FBXL2: variants seen among roughly 807,000 people sequenced by gnomAD.
The protein encoded by FBXL2 is F-box and leucine rich repeat protein 2.
FBXL2 carries 38 observed loss-of-function variants against 69.2 expected under a neutral mutation model. The ratio of observed to expected loss-of-function variants is 0.55; its 90% confidence interval spans 0.42 to 0.72. FBXL2 has a LOEUF of 0.72. FBXL2 is among the 30% of genes least tolerant of loss of function. The pLI, the probability that FBXL2 is intolerant of heterozygous loss-of-function variation, is 0.00. For missense variants in FBXL2, 354 were observed against 520.3 expected, an observed-to-expected ratio of 0.68 and a Z score of 3.11; for synonymous variants, 192 against 201.3, an observed-to-expected ratio of 0.95 and a Z score of 0.39.
chr3:33,351,933 C>T (rs947795371), intron 2 of FBXL2, among the ~76,000 whole-genome samples: 2 of 149,522 alleles, frequency 1.3e-5, no homozygotes, highest in African/African-American at 2.5e-5. Flanking sequence ...TGAGACTGTC[C>T]TGGGCAACAT....
At chr3:33,293,523 A>AG (rs1329378410) in intron 1 of FBXL2, among the ~76,000 whole-genome samples, 5 of 152,244 alleles carry the variant, frequency 3.3e-5, no homozygotes, top group African/African-American at 4.8e-5. Context: ...CCACTGAAGA[A>AG]GGGATTCCTT....
chr3:33,325,641 G>A (rs1175993064), intron 2 of FBXL2, among the ~76,000 whole-genome samples: 1 of 152,150 alleles, frequency 6.6e-6, no homozygotes, highest in Non-Finnish European at 1.5e-5. Flanking sequence ...TATAGATAAA[G>A]TGGATTAATC....
chr3:33,297,962 GGTAA>G (rs2035893191), intron 2 of FBXL2: 1 of 541,552 alleles, frequency 1.8e-6, no homozygotes, highest in Admixed American at 2.8e-5. Context: ...TTTGTAATGT[GGTAA>G]GTATTGTAAT....
chr3:33,391,429 C>T (rs1209532310), downstream of FBXL2: 2 of 152,154 alleles, frequency 1.3e-5, no homozygotes, highest in Non-Finnish European at 2.9e-5. Flanking sequence ...CCTAAATGAC[C>T]TTAACAACTT....
chr3:33,400,923 C>T (rs1163015325), intron 12 of FBXL2: 3 of 1,579,736 alleles, frequency 1.9e-6, no homozygotes, highest in Non-Finnish European at 1.7e-6. Context: ...AATGTAGAAC[C>T]CTGAAAGCAT....
intron 12 of FBXL2, among the ~76,000 whole-genome samples, chr3:33,395,286 A>G (rs2043930041): frequency 6.6e-6 from 1 of 152,028 alleles, no homozygotes. Flanking sequence ...AGCTCTACCT[A>G]TTCTTAGGGC....
chr3:33,315,780 T>C (rs1337983717), intron 2 of FBXL2, among the ~76,000 whole-genome samples: 1 of 152,190 alleles, frequency 6.6e-6, no homozygotes, highest in East Asian at 1.9e-4. Flanking sequence ...TAATCTGTTT[T>C]GTGGACATAT....
At chr3:33,352,274 T>C (rs947847852) in intron 2 of FBXL2, among the ~76,000 whole-genome samples, 6 of 152,172 alleles carry the variant, frequency 3.9e-5, no homozygotes, top group African/African-American at 1.4e-4. Flanking sequence ...GACATCTGTA[T>C]TTAAAAAGAT....
intron 2 of FBXL2, among the ~76,000 whole-genome samples, chr3:33,306,283 T>C (rs552476673): frequency 6.6e-6 from 1 of 152,122 alleles, no homozygotes; most frequent in South Asian, 2.1e-4. Context: ...AAATACAATA[T>C]ATAGTCAGAG....
chr3:33,373,188 A>G (rs2042405873), intron 6 of FBXL2, 28 bp downstream of exon 6: 1 of 1,612,584 alleles, frequency 6.2e-7, no homozygotes. Flanking sequence ...ATTGGTGACC[A>G]AATAGCCACG....
chr3:33,317,537 A>G (rs762516318), intron 2 of FBXL2: 2 of 456,514 alleles, frequency 4.4e-6, no homozygotes, highest in Non-Finnish European at 8.8e-6. Context: ...AATGGAAGAC[A>G]CACATCATTG....
rs145547437 is a variant in FBXL2 at position 33,298,517 on chromosome 3, C to T, written c.65+792C>T. Among the ~76,000 whole-genome samples the T allele has an allele frequency of 3.8e-4, 57 of 151,832 alleles. No individual in the cohort carries two copies. In the East Asian group the frequency reaches 0.01, roughly 27 times the overall value. ...TGAAACCCTGTCTCTACTAAAAATACGAAACAATTAGCCAGGCGTGGTGGT... is the reference window on the plus strand; with the variant it reads ...TGAAACCCTGTCTCTACTAAAAATATGAAACAATTAGCCAGGCGTGGTGGT... On this transcript the variant is annotated intron_variant, in intron 2 of 14. Coordinates refer to ENST00000484457, the MANE Select transcript of FBXL2 (RefSeq NM_012157.5).
At chr3:33,411,072 CAAAAAAAA>C in the FBXL2 span, among the ~76,000 whole-genome samples, 1 of 65,556 alleles carries the variant, frequency 1.5e-5, no homozygotes, top group Admixed American at 1.6e-4. Flanking sequence ...AACTCCATCT[CAAAAAAAA>C]AAAAAAAAAA....
the FBXL2 span, among the ~76,000 whole-genome samples, chr3:33,411,390 G>C: frequency 6.6e-6 from 1 of 152,006 alleles, no homozygotes; most frequent in Non-Finnish European, 1.5e-5. Flanking sequence ...ACATATCATA[G>C]AATGTCTTCA....
At chr3:33,393,501 G>A (rs370497722) in intron 12 of FBXL2, 2 of 1,565,024 alleles carry the variant, frequency 1.3e-6, no homozygotes, top group Non-Finnish European at 1.7e-6. Flanking sequence ...AGTAATCTTT[G>A]ATCTGTTTTC....
intron 2 of FBXL2, among the ~76,000 whole-genome samples, chr3:33,326,642 G>T (rs1463571001): frequency 6.6e-6 from 1 of 151,900 alleles, no homozygotes; most frequent in Non-Finnish European, 1.5e-5. Flanking sequence ...TATCTTTGAT[G>T]TTCTGGTAAA....
chr3:33,299,076 T>A (rs2036022120), intron 2 of FBXL2, among the ~76,000 whole-genome samples: 1 of 134,212 alleles, frequency 7.5e-6, no homozygotes, highest in South Asian at 2.4e-4. Flanking sequence ...AGATTTACTC[T>A]TGTTGCCCAG....
chr3:33,305,220 A>G (rs1368579136), intron 2 of FBXL2, among the ~76,000 whole-genome samples: 4 of 151,896 alleles, frequency 2.6e-5, no homozygotes, highest in African/African-American at 9.7e-5. Context: ...AGATAGTCAC[A>G]TGTATTTTCT....
intron 1 of FBXL2, among the ~76,000 whole-genome samples, chr3:33,285,661 A>G (rs1461970579): frequency 3.9e-5 from 6 of 152,188 alleles, no homozygotes; most frequent in African/African-American, 9.7e-5. Flanking sequence ...CATTCTCCGC[A>G]TCACTTTCAG....
Sources: gnomAD v4.1 joint callset for allele counts (sites outside exome capture counted in the v4.1 genomes callset) on GRCh38, gnomAD v4.1.1 for gene constraint, MANE v1.5 for transcripts, NCBI Gene and HGNC (gene_info 2026-07-23, HGNC 2026-07-21) for gene names.